HMGB1: variants seen among roughly 807,000 people sequenced by gnomAD.
HMGB1 encodes high mobility group box 1.
For missense variants in HMGB1, 79 were observed against 253.5 expected (o/e 0.31, Z 4.67); for synonymous variants, 81 against 84.0 (o/e 0.96, Z 0.19).
chr13:30,589,321 T>A (rs921846354), intron 1 of HMGB1, among the ~76,000 whole-genome samples: 6 of 152,162 alleles, frequency 3.9e-5, no homozygotes, highest in African/African-American at 1.4e-4. Context: ...TCTTATTTTA[T>A]GCATTAGGAA....
chr13:30,600,481 A>C (rs1295751357), intron 1 of HMGB1, among the ~76,000 whole-genome samples: 3 of 152,250 alleles, frequency 2.0e-5, no homozygotes, highest in African/African-American at 7.2e-5. Context: ...ACGTGATGAA[A>C]TTAACATTTT....
intron 1 of HMGB1, among the ~76,000 whole-genome samples, chr13:30,616,202 GA>G (rs1950560262): frequency 6.6e-6 from 1 of 152,124 alleles, no homozygotes; most frequent in Admixed American, 6.5e-5. Flanking sequence ...GCTCTAGAGC[GA>G]AAACACAGAA....
At chr13:30,467,082 T>TA (rs1255520910), upstream of HMGB1, among the ~76,000 whole-genome samples, 2 of 152,234 alleles carry the variant, frequency 1.3e-5, no homozygotes, top group Non-Finnish European at 2.9e-5. Context: ...TAGACATACT[T>TA]ACGTCTGTAG....
intron 1 of HMGB1, among the ~76,000 whole-genome samples, chr13:30,474,759 CTTTTTTTTT>C (rs549499620): frequency 2.2e-5 from 2 of 92,822 alleles, no homozygotes; most frequent in African/African-American, 9.1e-5. Flanking sequence ...TCTCTCTCTC[CTTTTTTTTT>C]TTTTTTTTTT....
chr13:30,525,576 A>G (rs1358533160), intron 1 of HMGB1, among the ~76,000 whole-genome samples: 1 of 152,218 alleles, frequency 6.6e-6, no homozygotes, highest in African/African-American at 2.4e-5. Flanking sequence ...ATGTAAAAAA[A>G]TTCAACATAC....
At position 30,459,935 on chromosome 13, in the gene HMGB1, CAAATGG is replaced by C. The variant is rs1886203958; in HGVS notation, c.*1416_*1421del. On this transcript the variant is annotated 3_prime_UTR_variant, in exon 5 of 5. Transcript: ENST00000341423. ...CCTCCTGAAATTACATAAACAAATGCAAATGGAAAGAATCCAAGTCTAAATTATATA... is the reference window on the plus strand; with the variant it reads ...CCTCCTGAAATTACATAAACAAATGCAAAGAATCCAAGTCTAAATTATATA... 1.3e-5 allele frequency: 2 copies of C among 152,512 alleles called. No homozygotes were observed. Among genetic ancestry groups the C allele is most frequent in the South Asian group, 4.1e-4 (2 of 4,830 alleles). The allele number at this position is 152,512 out of a possible 1,614,324, so 9.4% of individuals were successfully genotyped here. A position where few individuals can be genotyped will look rare whatever the true frequency, so the allele number is the denominator to read the frequency against.
intron 1 of HMGB1, among the ~76,000 whole-genome samples, chr13:30,576,445 C>A (rs1468467443): frequency 6.6e-6 from 1 of 152,050 alleles, no homozygotes; most frequent in Non-Finnish European, 1.5e-5. Flanking sequence ...AAATTTGATA[C>A]AAAGAGGCCG....
chr13:30,602,959 AC>A (rs1201329360), intron 1 of HMGB1, among the ~76,000 whole-genome samples: 3 of 152,180 alleles, frequency 2.0e-5, no homozygotes, highest in Non-Finnish European at 4.4e-5. Context: ...ACATGCCACC[AC>A]GTCCAGCTTA....
intron 1 of HMGB1, among the ~76,000 whole-genome samples, chr13:30,514,019 A>G (rs1888048314): frequency 6.6e-6 from 1 of 151,914 alleles, no homozygotes. Context: ...AAGTGCTGGG[A>G]CTACAGGTGT....
At chr13:30,598,357 CG>C (rs1372435762) in intron 1 of HMGB1, among the ~76,000 whole-genome samples, 4 of 152,222 alleles carry the variant, frequency 2.6e-5, no homozygotes, top group Admixed American at 2.6e-4. Flanking sequence ...GTTACAAGAT[CG>C]TCACTGTTGC....
chr13:30,535,076 G>C (rs532198249), intron 1 of HMGB1, among the ~76,000 whole-genome samples: 3 of 152,310 alleles, frequency 2.0e-5, no homozygotes, highest in African/African-American at 7.2e-5. Context: ...TAGATTATTT[G>C]TTAATCTTTT....
chr13:30,563,918 G>A (rs1305084504), intron 1 of HMGB1, among the ~76,000 whole-genome samples: 1 of 152,142 alleles, frequency 6.6e-6, no homozygotes, highest in African/African-American at 2.4e-5. Flanking sequence ...CTTTATAACT[G>A]TGTTCTTTAA....
At chr13:30,482,862 A>G (rs1283598958) in intron 1 of HMGB1, among the ~76,000 whole-genome samples, 1 of 151,724 alleles carries the variant, frequency 6.6e-6, no homozygotes, top group Non-Finnish European at 1.5e-5. Flanking sequence ...ATCATAGCTC[A>G]CTGTAGCCTT....
intron 1 of HMGB1, among the ~76,000 whole-genome samples, chr13:30,485,647 C>T (rs969446017): frequency 6.6e-6 from 1 of 152,158 alleles, no homozygotes; most frequent in Non-Finnish European, 1.5e-5. Context: ...CAATCACTAA[C>T]ATCAAAGGAA....
At chr13:30,521,216 C>T (rs943899268) in intron 1 of HMGB1, among the ~76,000 whole-genome samples, 3 of 152,070 alleles carry the variant, frequency 2.0e-5, no homozygotes, top group Admixed American at 1.3e-4. Context: ...TTTCCCAGAA[C>T]GGTTTTATTG....
chr13:30,476,827 C>A (rs1178678601), intron 1 of HMGB1, among the ~76,000 whole-genome samples: 1 of 148,796 alleles, frequency 6.7e-6, no homozygotes, highest in Non-Finnish European at 1.5e-5. Context: ...GATCATACCA[C>A]TGTGCTCCAG....
intron 1 of HMGB1, among the ~76,000 whole-genome samples, chr13:30,485,774 A>G (rs1176011235): frequency 1.3e-5 from 2 of 152,230 alleles, no homozygotes; most frequent in South Asian, 4.1e-4. Context: ...GCTTATGGGG[A>G]AAATATTACA....
chr13:30,501,120 T>C (rs995225990), intron 1 of HMGB1, among the ~76,000 whole-genome samples: 1 of 152,186 alleles, frequency 6.6e-6, no homozygotes, highest in Non-Finnish European at 1.5e-5. Context: ...TGTGTCTGAG[T>C]ATAATATTCT....
intron 1 of HMGB1, chr13:30,554,029 C>T (rs775695351): frequency 1.4e-5 from 20 of 1,467,776 alleles, no homozygotes; most frequent in South Asian, 3.4e-5. Flanking sequence ...GAGAAAGAAT[C>T]GGTTAAATGT....
Sources: gnomAD v4.1 joint callset for allele counts (sites outside exome capture counted in the v4.1 genomes callset) on GRCh38, gnomAD v4.1.1 for gene constraint, MANE v1.5 for transcripts, NCBI Gene and HGNC (gene_info 2026-07-23, HGNC 2026-07-21) for gene names.